The following GPR19 variants were observed in gnomAD, a reference collection of about 807,000 sequenced individuals.
GPR19 encodes probable G protein-coupled receptor 19.
A neutral mutation model predicts 28.5 loss-of-function variants in GPR19; 14 were observed. The ratio of observed to expected loss-of-function variants is 0.49; its 90% CI spans 0.32 to 0.77. The LOEUF (loss-of-function observed/expected upper bound fraction) is 0.77, where lower values mean the gene tolerates loss of function less well. Among genes scored for constraint, GPR19 ranks in the 30% least tolerant of loss-of-function variants. GPR19 has a pLI of 0.03. For synonymous variants in GPR19, 173 were observed against 184.1 expected, an observed-to-expected ratio of 0.94 and a Z score of 0.49; for missense variants, 409 against 504.1, an observed-to-expected ratio of 0.81 and a Z score of 1.81.
At chr12:12,704,033 G>A in the GPR19 span, among the ~76,000 whole-genome samples, 2 of 152,144 alleles carry the variant, frequency 1.3e-5, no homozygotes, top group African/African-American at 2.4e-5. Flanking sequence ...TGTATGTGGC[G>A]GGGGAAGCAC....
At chr12:12,664,597 TG>T (rs1945732140) in intron 3 of GPR19, among the ~76,000 whole-genome samples, 1 of 151,886 alleles carries the variant, frequency 6.6e-6, no homozygotes, top group African/African-American at 2.4e-5. Context: ...TGATAGCCAA[TG>T]GTAAGAATAG....
chr12:12,672,273 C>A (rs1945863710), intron 3 of GPR19, among the ~76,000 whole-genome samples: 1 of 152,116 alleles, frequency 6.6e-6, no homozygotes, highest in South Asian at 2.1e-4. Context: ...GGGGTGACCA[C>A]CCCCACGGAT....
intron 2 of GPR19, among the ~76,000 whole-genome samples, chr12:12,694,786 T>C (rs778796675): frequency 2.6e-5 from 4 of 152,192 alleles, no homozygotes; most frequent in Non-Finnish European, 5.9e-5. Flanking sequence ...TATCGAGATG[T>C]CATGCCTCTC....
At chr12:12,665,729 C>T (rs184147647) in intron 3 of GPR19, among the ~76,000 whole-genome samples, 3 of 136,178 alleles carry the variant, frequency 2.2e-5, no homozygotes, top group South Asian at 5.0e-4. Flanking sequence ...CCCAGCTATC[C>T]GGGAGGCTGA....
chr12:12,665,184 CAG>C (rs916627055), intron 3 of GPR19, among the ~76,000 whole-genome samples: 2 of 152,216 alleles, frequency 1.3e-5, no homozygotes, highest in African/African-American at 4.8e-5. Flanking sequence ...GGAGTCCACA[CAG>C]GCACTTTTCC....
intron 3 of GPR19, among the ~76,000 whole-genome samples, chr12:12,670,648 T>TATAA (rs1408287365): frequency 0.022 from 3,350 of 152,310 alleles, 134 homozygotes; most frequent in African/African-American, 0.075. Context: ...AACACCTAGT[T>TATAA]CTGTGTCTGG....
chr12:12,692,365 T>C (rs1262588522), intron 2 of GPR19, among the ~76,000 whole-genome samples: 2 of 150,590 alleles, frequency 1.3e-5, no homozygotes, highest in African/African-American at 4.9e-5. Context: ...GGTCCAGTGA[T>C]GACTCGCTGC....
At chr12:12,679,782 C>G (rs1945991439) in intron 3 of GPR19, among the ~76,000 whole-genome samples, 1 of 152,140 alleles carries the variant, frequency 6.6e-6, no homozygotes, top group African/African-American at 2.4e-5. Context: ...TAGAGTCAGC[C>G]TGCCTGGGGT....
the GPR19 span, among the ~76,000 whole-genome samples, chr12:12,703,140 A>G: frequency 6.6e-6 from 1 of 152,182 alleles, no homozygotes; most frequent in Non-Finnish European, 1.5e-5. Flanking sequence ...TGCCTGACAC[A>G]TTGTAGGTAA....
chr12:12,680,446 C>G (rs1946001011), intron 3 of GPR19, among the ~76,000 whole-genome samples: 1 of 152,136 alleles, frequency 6.6e-6, no homozygotes, highest in Non-Finnish European at 1.5e-5. Context: ...AAAGGTTTGG[C>G]CAAGGGAAAA....
At chr12:12,665,977 G>C (rs1464971133) in intron 3 of GPR19, among the ~76,000 whole-genome samples, 1 of 152,054 alleles carries the variant, frequency 6.6e-6, no homozygotes, top group Admixed American at 6.6e-5. Flanking sequence ...GTTTTGCCCG[G>C]GTAAGGGGAA....
At chr12:12,717,184 A>C in the GPR19 span, 1 of 1,044,600 alleles carries the variant, frequency 9.6e-7, no homozygotes, top group Non-Finnish European at 1.2e-6. Flanking sequence ...TCCAGCAGTC[A>C]CGCGACCAGC....
chr12:12,701,616 A>G, the GPR19 span, among the ~76,000 whole-genome samples: 4 of 152,310 alleles, frequency 2.6e-5, no homozygotes, highest in Admixed American at 2.0e-4. Context: ...TCTCCCAGCT[A>G]AAATCCATTG....
At chr12:12,716,660 G>C in the GPR19 span, 1 of 580,602 alleles carries the variant, frequency 1.7e-6, no homozygotes, top group Non-Finnish European at 2.2e-6. Flanking sequence ...CATTGAGGGA[G>C]AGCTTGAGTT....
At chr12:12,667,252 G>A (rs1040364754) in intron 3 of GPR19, among the ~76,000 whole-genome samples, 6 of 152,086 alleles carry the variant, frequency 3.9e-5, no homozygotes, top group Non-Finnish European at 5.9e-5. Context: ...TACTCCCTTG[G>A]CTGAGGTATT....
intron 2 of GPR19, among the ~76,000 whole-genome samples, chr12:12,689,213 G>A (rs569532792): frequency 1.2e-3 from 189 of 152,302 alleles, no homozygotes; most frequent in Non-Finnish European, 1.9e-3. Flanking sequence ...ACCAAGACAT[G>A]AGGGATCTGT....
At position 12,678,945 on chromosome 12, in the gene GPR19, C is replaced by T. The variant is rs149988291; in HGVS notation, c.-23+5406G>A. Among the ~76,000 whole-genome samples, 10 of 152,204 alleles carry T rather than the reference C, an allele frequency of 6.6e-5. No individual in the cohort carries two copies. In the East Asian group the frequency reaches 1.5e-3, roughly 24 times the overall value. ...ATGTGTAACTGGAATTACAGGTGCACGCCACCACGCCCAGCTAATTTTTGT... is the reference window on the plus strand; with the variant it reads ...ATGTGTAACTGGAATTACAGGTGCATGCCACCACGCCCAGCTAATTTTTGT... On this transcript the variant is annotated intron_variant, in intron 3 of 3. Transcript: ENST00000651487.
At chr12:12,713,919 T>C in the GPR19 span, among the ~76,000 whole-genome samples, 1 of 152,232 alleles carries the variant, frequency 6.6e-6, no homozygotes, top group Non-Finnish European at 1.5e-5. Context: ...CTCCGCTTAT[T>C]GTTTCTCCAT....
At chr12:12,698,605 ATAACT>A (rs751126352), upstream of GPR19, among the ~76,000 whole-genome samples, 11 of 116,848 alleles carry the variant, frequency 9.4e-5, no homozygotes, top group African/African-American at 1.2e-4. Flanking sequence ...TTCATGATCG[ATAACT>A]TAAAGCATTT....
Sources: allele counts gnomAD v4.1 joint callset (sites outside exome capture counted in the v4.1 genomes callset), GRCh38; gene constraint gnomAD v4.1.1; transcripts MANE v1.5; gene names NCBI Gene and HGNC (gene_info 2026-07-23, HGNC 2026-07-21).